The following PXDNL variants were observed in gnomAD, a reference collection of about 807,000 sequenced individuals.
PXDNL encodes probable oxidoreductase PXDNL.
A neutral mutation model predicts 150.8 loss-of-function variants in PXDNL; 145 were observed. The observed-to-expected ratio is 0.96, with a 90% CI of 0.84 to 1.10. The LOEUF (loss-of-function observed/expected upper bound fraction) is 1.10. Among genes scored for constraint, PXDNL ranks in the 50% least tolerant of loss-of-function variants. The pLI, the probability that PXDNL is intolerant of heterozygous loss-of-function variation, is 0.00. For missense variants in PXDNL, 2,087 were observed against 1,873.9 expected, an observed-to-expected ratio of 1.11 and a Z score of -2.10; for synonymous variants, 757 against 725.7, an observed-to-expected ratio of 1.04 and a Z score of -0.69.
intron 1 of PXDNL, among the ~76,000 whole-genome samples, chr8:51,720,061 G>A (rs1435913177): frequency 2.6e-5 from 4 of 151,958 alleles, no homozygotes; most frequent in Non-Finnish European, 5.9e-5. Flanking sequence ...AAGTAAGTGA[G>A]GCATTAATTT....
chr8:51,592,950 C>G (rs1813476969), intron 2 of PXDNL, among the ~76,000 whole-genome samples: 1 of 152,064 alleles, frequency 6.6e-6, no homozygotes, highest in Non-Finnish European at 1.5e-5. Context: ...CACTGCAACC[C>G]AGAGGTAAAA....
At chr8:51,578,046 G>GA (rs1563471338) in intron 3 of PXDNL, among the ~76,000 whole-genome samples, 2 of 122,948 alleles carry the variant, frequency 1.6e-5, no homozygotes, top group African/African-American at 7.7e-5. Flanking sequence ...AGGAAGGAAG[G>GA]AAGGAAAGAA....
At chr8:51,350,521 A>G (rs932877353) in intron 19 of PXDNL, among the ~76,000 whole-genome samples, 2 of 151,706 alleles carry the variant, frequency 1.3e-5, no homozygotes, top group African/African-American at 4.8e-5. Context: ...TACCCGGCTA[A>G]TTTTTGTATT....
At chr8:51,321,721 C>T (rs1805320105) in intron 21 of PXDNL, among the ~76,000 whole-genome samples, 1 of 152,138 alleles carries the variant, frequency 6.6e-6, no homozygotes, top group East Asian at 1.9e-4. Flanking sequence ...GTCATGCTTC[C>T]TGTTAACCCT....
intron 3 of PXDNL, among the ~76,000 whole-genome samples, chr8:51,582,599 T>A (rs1205428424): frequency 6.6e-6 from 1 of 152,182 alleles, no homozygotes; most frequent in East Asian, 1.9e-4. Flanking sequence ...ATCTGATGCT[T>A]AGTAACACTG....
At chr8:51,592,920 C>G (rs2130657447) in intron 2 of PXDNL, among the ~76,000 whole-genome samples, 1 of 152,184 alleles carries the variant, frequency 6.6e-6, no homozygotes, top group African/African-American at 2.4e-5. Flanking sequence ...TTAAATTACC[C>G]TAAAACACTC....
chr8:51,442,864 C>T (rs1338318485), intron 12 of PXDNL, among the ~76,000 whole-genome samples: 2 of 99,298 alleles, frequency 2.0e-5, no homozygotes, highest in Non-Finnish European at 2.9e-5. Context: ...CAAGATTATG[C>T]TTGTTTTTAA....
chr8:51,805,074 T>C (rs1204114917), intron 1 of PXDNL, among the ~76,000 whole-genome samples: 2 of 151,930 alleles, frequency 1.3e-5, no homozygotes, highest in Admixed American at 1.3e-4. Context: ...ACTTTCAGTT[T>C]CATTTCTCTC....
At chr8:51,496,610 T>G (rs1811058094) in intron 5 of PXDNL, among the ~76,000 whole-genome samples, 2 of 152,140 alleles carry the variant, frequency 1.3e-5, no homozygotes. Flanking sequence ...AAAATCAATG[T>G]GCAAAAATCA....
chr8:51,806,541 G>T lies in PXDNL; in HGVS notation c.164+2640C>A, dbSNP rs17196343. On this transcript the variant is annotated intron_variant, in intron 1 of 22. Transcript: ENST00000356297. ...ACATCAAGGATTTTTAGCCCCAGAG[G>T]AGTAGAGGAGCAATTTTTACAGGCT... 2.0e-5 allele frequency among the ~76,000 whole-genome samples: 3 copies of T among 152,070 alleles called. 1 individual carries two copies. The highest frequency in any genetic ancestry group is 1.3e-4 in the Admixed American group (2 of 15,254).
intron 2 of PXDNL, among the ~76,000 whole-genome samples, chr8:51,605,470 A>C (rs1176940356): frequency 6.6e-6 from 1 of 151,964 alleles, no homozygotes; most frequent in Non-Finnish European, 1.5e-5. Flanking sequence ...ATGCATACAG[A>C]TATAGTCATT....
chr8:51,419,168 T>TA (rs1248462502), intron 14 of PXDNL, among the ~76,000 whole-genome samples: 1 of 152,198 alleles, frequency 6.6e-6, no homozygotes, highest in East Asian at 1.9e-4. Context: ...CACAGACAAT[T>TA]AGACACTTAC....
At chr8:51,496,690 G>C (rs1029041495) in intron 5 of PXDNL, among the ~76,000 whole-genome samples, 7 of 152,270 alleles carry the variant, frequency 4.6e-5, no homozygotes, top group Middle Eastern at 3.4e-3. Flanking sequence ...ATTCACAATT[G>C]CTTCAAAGAG....
intron 21 of PXDNL, among the ~76,000 whole-genome samples, chr8:51,327,415 G>A (rs1489624910): frequency 6.6e-6 from 1 of 152,204 alleles, no homozygotes; most frequent in African/African-American, 2.4e-5. Context: ...TACGGAAACA[G>A]TTACGGAAAA....
At chr8:51,580,576 G>C (rs1014578840) in intron 3 of PXDNL, among the ~76,000 whole-genome samples, 1 of 152,048 alleles carries the variant, frequency 6.6e-6, no homozygotes, top group Non-Finnish European at 1.5e-5. Context: ...TGAATATCAT[G>C]TTCCACCAAA....
Position 51,513,072 on chromosome 8 carries a change from T to C in PXDNL, c.381-13302A>G, listed in dbSNP as rs185672722. On this transcript the variant is annotated intron_variant, in intron 4 of 22. Coordinates refer to ENST00000356297, the MANE Select transcript of PXDNL (RefSeq NM_144651.5). Reference sequence around the variant, plus strand: ...TGAGTTTTCATACAAACAAAATCAATTGTACATAACCATCAGGAAGCTAAG... The same window carrying C: ...TGAGTTTTCATACAAACAAAATCAACTGTACATAACCATCAGGAAGCTAAG... Among the ~76,000 whole-genome samples, 12 of 152,288 alleles carry C rather than the reference T, an allele frequency of 7.9e-5. No homozygotes were observed. In the East Asian group the frequency reaches 2.1e-3, roughly 27 times the overall value.
intron 1 of PXDNL, among the ~76,000 whole-genome samples, chr8:51,730,327 T>C (rs1346950146): frequency 6.6e-6 from 1 of 152,366 alleles, no homozygotes; most frequent in Non-Finnish European, 1.5e-5. Flanking sequence ...TCTGAATTTT[T>C]TTCCTTCATT....
chr8:51,398,184 A>T (rs1239591334), intron 17 of PXDNL, among the ~76,000 whole-genome samples: 1 of 152,232 alleles, frequency 6.6e-6, no homozygotes. Flanking sequence ...GAAACTCATG[A>T]CAGTGGCCTC....
chr8:51,530,348 C>T (rs530678765), intron 4 of PXDNL, among the ~76,000 whole-genome samples: 2 of 152,194 alleles, frequency 1.3e-5, no homozygotes, highest in African/African-American at 4.8e-5. Context: ...TCTTCCTTAC[C>T]TTCAACCTAA....
Sources: gnomAD v4.1 joint callset for allele counts (sites outside exome capture counted in the v4.1 genomes callset) on GRCh38, gnomAD v4.1.1 for gene constraint, MANE v1.5 for transcripts, NCBI Gene and HGNC (gene_info 2026-07-23, HGNC 2026-07-21) for gene names.